Variants in CHRM3 observed in about 807,000 individuals in gnomAD.
CHRM3 encodes the protein cholinergic receptor muscarinic 3, also known as muscarinic acetylcholine receptor M3.
CHRM3 carries 11 observed loss-of-function variants against 41.8 expected under a neutral mutation model. The ratio of observed to expected loss-of-function variants is 0.26; its 90% CI spans 0.17 to 0.44. The LOEUF is 0.44. CHRM3 is among the 20% of genes least tolerant of loss of function. CHRM3 has a pLI of 1.00. For synonymous variants in CHRM3, 297 were observed against 301.4 expected (o/e 0.99, Z 0.15); for missense variants, 571 against 745.4 (o/e 0.77, Z 2.72).
At chr1:239,750,639 CCAAT>C (rs1665732950) in intron 5 of CHRM3, among the ~76,000 whole-genome samples, 4 of 152,282 alleles carry the variant, frequency 2.6e-5, no homozygotes, top group African/African-American at 9.6e-5. Flanking sequence ...AGAGTTTCAG[CCAAT>C]CAAAGGCGGC....
At chr1:239,862,828 A>G (rs1462342744) in intron 6 of CHRM3, among the ~76,000 whole-genome samples, 1 of 152,226 alleles carries the variant, frequency 6.6e-6, no homozygotes, top group Non-Finnish European at 1.5e-5. Context: ...TATACTGGTC[A>G]AAGCTTGTAC....
intron 6 of CHRM3, among the ~76,000 whole-genome samples, chr1:239,852,703 C>T (rs754666387): frequency 7.4e-5 from 11 of 149,620 alleles, no homozygotes; most frequent in Non-Finnish European, 1.2e-4. Context: ...CATATTTTAA[C>T]GTTAGTCTTC....
intron 6 of CHRM3, among the ~76,000 whole-genome samples, chr1:239,843,867 A>G (rs1205381342): frequency 4.0e-5 from 6 of 151,682 alleles, no homozygotes; most frequent in Admixed American, 3.9e-4. Flanking sequence ...ATATGTGTGT[A>G]TGTGTGTGTG....
chr1:239,756,203 A>G (rs1666229674), intron 5 of CHRM3, among the ~76,000 whole-genome samples: 1 of 152,222 alleles, frequency 6.6e-6, no homozygotes, highest in South Asian at 2.1e-4. Context: ...ATTTGGATCC[A>G]TAATGACTCA....
intron 1 of CHRM3, among the ~76,000 whole-genome samples, chr1:239,399,638 G>T (rs1193022158): frequency 6.6e-6 from 1 of 152,060 alleles, no homozygotes; most frequent in Admixed American, 6.6e-5. Flanking sequence ...TTAACACAAC[G>T]TCCTCCAAGT....
intron 1 of CHRM3, among the ~76,000 whole-genome samples, chr1:239,440,638 T>C (rs1431684485): frequency 6.6e-6 from 1 of 152,170 alleles, no homozygotes; most frequent in South Asian, 2.1e-4. Flanking sequence ...TGGAGGACTA[T>C]AAAGTATATT....
At chr1:239,405,104 T>A (rs925963019) in intron 1 of CHRM3, among the ~76,000 whole-genome samples, 1 of 152,160 alleles carries the variant, frequency 6.6e-6, no homozygotes, top group African/African-American at 2.4e-5. Context: ...ATAAAGGTCT[T>A]CTATAAATAA....
chr1:239,446,829 G>T (rs2103292314), intron 1 of CHRM3, among the ~76,000 whole-genome samples: 1 of 152,290 alleles, frequency 6.6e-6, no homozygotes, highest in East Asian at 1.9e-4. Context: ...GTGGGGAGTG[G>T]TTAGGTAAAC....
intron 5 of CHRM3, among the ~76,000 whole-genome samples, chr1:239,712,895 T>C (rs542862573): frequency 7.9e-5 from 12 of 152,292 alleles, no homozygotes; most frequent in African/African-American, 2.6e-4. Context: ...TAAAAAGACA[T>C]ATTTTTGTCC....
chr1:239,447,410 A>G (rs902296229), intron 1 of CHRM3, among the ~76,000 whole-genome samples: 2 of 151,990 alleles, frequency 1.3e-5, no homozygotes, highest in Non-Finnish European at 2.9e-5. Context: ...GGAGAGAGAG[A>G]GAATGGCAGG....
chr1:239,897,157 C>T (rs112564484), intron 6 of CHRM3, among the ~76,000 whole-genome samples: 3 of 152,148 alleles, frequency 2.0e-5, no homozygotes, highest in Non-Finnish European at 2.9e-5. Flanking sequence ...GCGTTTAATG[C>T]GCGCCTCCCA....
At chr1:239,637,059 A>T (rs1670536201) in intron 4 of CHRM3, among the ~76,000 whole-genome samples, 4 of 152,220 alleles carry the variant, frequency 2.6e-5, no homozygotes, top group Admixed American at 2.6e-4. Context: ...GAGGAATAGT[A>T]AGTATTGAAT....
intron 1 of CHRM3, among the ~76,000 whole-genome samples, chr1:239,472,870 C>T (rs1235447822): frequency 6.6e-6 from 1 of 151,978 alleles, no homozygotes; most frequent in Non-Finnish European, 1.5e-5. Context: ...TGCACGTGTA[C>T]CCCAGAACTT....
rs542633333 is a variant in CHRM3 at position 239,464,772 on chromosome 1, C to T, written c.-520-27937C>T. ...TTTCTCCTGGAGCTCTCATTCTTGA[C>T]GTGCCAAGCCACCCCATAAAAAGTC... On this transcript the variant is annotated intron_variant, in intron 1 of 6. Transcript: ENST00000676153. Among the ~76,000 whole-genome samples, 4 of 152,234 alleles carry T rather than the reference C, an allele frequency of 2.6e-5. No individual in the cohort carries two copies. In the South Asian group the frequency reaches 6.2e-4, roughly 24 times the overall value.
intron 5 of CHRM3, among the ~76,000 whole-genome samples, chr1:239,786,130 C>A (rs769738852): frequency 2.0e-5 from 3 of 152,120 alleles, no homozygotes; most frequent in Non-Finnish European, 2.9e-5. Context: ...TCTACAGTAG[C>A]ATTATCCTAT....
chr1:239,863,406 G>T (rs1675805248), intron 6 of CHRM3, among the ~76,000 whole-genome samples: 1 of 152,168 alleles, frequency 6.6e-6, no homozygotes, highest in Non-Finnish European at 1.5e-5. Context: ...ATCGGTGTGG[G>T]CAGCTCAGAC....
At chr1:239,681,436 G>A (rs1281709615) in intron 5 of CHRM3, among the ~76,000 whole-genome samples, 1 of 152,154 alleles carries the variant, frequency 6.6e-6, no homozygotes, top group African/African-American at 2.4e-5. Context: ...CCTGGTGCAT[G>A]GCACAATCAC....
At chr1:239,392,279 C>T (rs145177850) in intron 1 of CHRM3, among the ~76,000 whole-genome samples, 6 of 152,188 alleles carry the variant, frequency 3.9e-5, no homozygotes, top group Non-Finnish European at 8.8e-5. Context: ...CAAATAAATT[C>T]TCCTTGTCTG....
In CHRM3 at chr1:239,757,586, C is replaced by G. The variant is rs1267574917; in HGVS notation, c.-146-69666C>G. Among the ~76,000 whole-genome samples the G allele has an allele frequency of 2.0e-5, 3 of 150,640 alleles. No homozygotes were observed. The East Asian group carries it at 5.9e-4, about 30-fold the overall frequency. On this transcript the variant is annotated intron_variant, in intron 5 of 6. Coordinates refer to ENST00000676153, the MANE Select transcript of CHRM3 (RefSeq NM_001375978.1). The stretch of plus-strand genomic sequence containing the variant: ...TGGAGCTTGCAGTGAGCCGAGATCG[C>G]GCCACTGCACGCCAGCCTGGGTCAC...
Sources: gnomAD v4.1 joint callset for allele counts (sites outside exome capture counted in the v4.1 genomes callset) on GRCh38, gnomAD v4.1.1 for gene constraint, MANE v1.5 for transcripts, NCBI Gene and HGNC (gene_info 2026-07-23, HGNC 2026-07-21) for gene names.